Variants in RNF150 observed in about 807,000 individuals in gnomAD.
RNF150 encodes the protein ring finger protein 150.
In RNF150, 24 loss-of-function variants were observed where a neutral mutation model predicts 39.3. The observed-to-expected ratio is 0.61, with a 90% CI of 0.44 to 0.86. RNF150 has a LOEUF of 0.86. RNF150 is among the 40% of genes least tolerant of loss of function. RNF150 has a pLI of 0.00. For synonymous variants in RNF150, 255 were observed against 227.3 expected (o/e 1.12, Z -1.10); for missense variants, 502 against 587.8 (o/e 0.85, Z 1.51).
chr4:141,044,775 A>ACG (rs1387951196), intron 1 of RNF150, among the ~76,000 whole-genome samples: 3 of 146,370 alleles, frequency 2.0e-5, no homozygotes, highest in African/African-American at 7.9e-5. Context: ...TGCAGCGCAC[A>ACG]CACACACGCA....
At chr4:141,116,312 C>G (rs2111074290) in intron 1 of RNF150, among the ~76,000 whole-genome samples, 1 of 152,140 alleles carries the variant, frequency 6.6e-6, no homozygotes, top group Middle Eastern at 3.4e-3. Context: ...AACAAACAAC[C>G]CCATCAAAAA....
chr4:141,024,374 G>C (rs906146152), intron 1 of RNF150, among the ~76,000 whole-genome samples: 2 of 152,094 alleles, frequency 1.3e-5, no homozygotes, highest in African/African-American at 4.8e-5. Flanking sequence ...ACTGAGGCTT[G>C]AGTTCCAATT....
chr4:140,980,701 T>G (rs1054479741), intron 1 of RNF150, among the ~76,000 whole-genome samples: 15 of 152,252 alleles, frequency 9.9e-5, no homozygotes, highest in African/African-American at 3.6e-4. Context: ...TTCTCCTTCC[T>G]GCTGCCATGT....
chr4:140,959,526 C>T (rs1348997242), intron 2 of RNF150, among the ~76,000 whole-genome samples: 2 of 152,136 alleles, frequency 1.3e-5, no homozygotes, highest in Non-Finnish European at 2.9e-5. Flanking sequence ...TCACTGGACT[C>T]AGGCACATAT....
rs1728424934 is a variant in RNF150 at position 140,860,098 on chromosome 4, G to A, written c.*8163C>T. On this transcript the variant is annotated 3_prime_UTR_variant, in exon 7 of 7. Transcript: ENST00000515673. ...AGAATAAAGCAAAATAAAAGTCTGT[G>A]TCTCCTAATAGAAGACAAATTCCTT... 6.7e-6 allele frequency: 1 copy of A among 149,976 alleles called. No individual in the cohort carries two copies. The highest frequency in any genetic ancestry group is 2.1e-4 in the South Asian group (1 of 4,748). The allele number at this position is 149,976 out of a possible 1,614,324, so 9.3% of individuals were successfully genotyped here.
chr4:141,068,083 C>A (rs564596373), intron 1 of RNF150, among the ~76,000 whole-genome samples: 2 of 151,874 alleles, frequency 1.3e-5, no homozygotes, highest in African/African-American at 2.4e-5. Context: ...GTAGCTGGGA[C>A]TCCAAGTATG....
At chr4:141,064,005 AAAAG>A (rs1737353334) in intron 1 of RNF150, among the ~76,000 whole-genome samples, 2 of 152,062 alleles carry the variant, frequency 1.3e-5, no homozygotes, top group African/African-American at 2.4e-5. Context: ...AAAAAAAAAA[AAAAG>A]GACTGATGGC....
intron 1 of RNF150, among the ~76,000 whole-genome samples, chr4:141,155,084 G>A (rs1560761875): frequency 6.6e-6 from 1 of 151,834 alleles, no homozygotes; most frequent in African/African-American, 2.4e-5. Flanking sequence ...AGAGCTTTAT[G>A]TTTTATTTTA....
At position 141,185,765 on chromosome 4, in the gene RNF150, T is replaced by C. The variant is rs544175551; in HGVS notation, c.-6+27029A>G. Among the ~76,000 whole-genome samples, 5 of 152,360 alleles carry C rather than the reference T, an allele frequency of 3.3e-5. No individual in the cohort carries two copies. In the South Asian group the frequency reaches 6.2e-4, roughly 19 times the overall value. ...GGGGTGTTGAATTTTATCGAAAGCC[T>C]TTTCTGCATCTATTGAGATAATCAT... On this transcript the variant is annotated intron_variant, in intron 1 of 7. Coordinates refer to the RNF150 transcript ENST00000420921.
rs1732064961 is a variant in RNF150 at position 140,941,074 on chromosome 4, A to T, written c.890+6580T>A. Reference sequence around the variant, plus strand: ...ATACATTGTAAAAGCAAAAGAAGAAAAAAAATAATAAGAATAGAGACATAA... The same window carrying T: ...ATACATTGTAAAAGCAAAAGAAGAATAAAAATAATAAGAATAGAGACATAA... On this transcript the variant is annotated intron_variant, in intron 4 of 6. Transcript: ENST00000515673. 2.0e-5 allele frequency among the ~76,000 whole-genome samples: 3 copies of T among 152,336 alleles called. No individual in the cohort carries two copies. The South Asian group carries it at 6.2e-4, about 32-fold the overall frequency.
intron 4 of RNF150, among the ~76,000 whole-genome samples, chr4:140,930,995 A>G (rs966393478): frequency 6.6e-6 from 1 of 151,852 alleles, no homozygotes; most frequent in Non-Finnish European, 1.5e-5. Flanking sequence ...GCTCTGTAAG[A>G]TTCAGCTCCT....
intron 1 of RNF150, among the ~76,000 whole-genome samples, chr4:141,118,917 T>C (rs1462017541): frequency 2.0e-5 from 3 of 152,062 alleles, no homozygotes; most frequent in South Asian, 4.1e-4. Context: ...CCCACCACCA[T>C]GCCTGGCTAA....
intron 1 of RNF150, among the ~76,000 whole-genome samples, chr4:140,994,762 A>G (rs768380850): frequency 7.9e-5 from 12 of 152,298 alleles, no homozygotes; most frequent in Admixed American, 2.6e-4. Context: ...TTTTCCACCC[A>G]AGTTGCTACG....
chr4:141,022,684 A>G (rs975600376), intron 1 of RNF150, among the ~76,000 whole-genome samples: 2 of 152,208 alleles, frequency 1.3e-5, no homozygotes, highest in African/African-American at 4.8e-5. Flanking sequence ...CATTTAGGAA[A>G]GTAGCTTGGC....
At chr4:140,969,981 C>T (rs1579014846) in intron 1 of RNF150, among the ~76,000 whole-genome samples, 2 of 152,062 alleles carry the variant, frequency 1.3e-5, no homozygotes, top group African/African-American at 4.8e-5. Context: ...CCAGGCTCGT[C>T]TTGAACTCCT....
intron 1 of RNF150, among the ~76,000 whole-genome samples, chr4:141,052,491 T>C (rs1736814240): frequency 6.6e-6 from 1 of 152,184 alleles, no homozygotes; most frequent in African/African-American, 2.4e-5. Flanking sequence ...TTCTCCTGCC[T>C]CAGCTTCCTG....
At chr4:141,000,010 AGAAG>A (rs1560678943) in intron 1 of RNF150, among the ~76,000 whole-genome samples, 29 of 37,354 alleles carry the variant, frequency 7.8e-4, no homozygotes, top group African/African-American at 2.7e-3. Context: ...AAGAAGAAGA[AGAAG>A]AAGAAGAAGA....
At chr4:140,965,775 A>T (rs1339173442) in intron 2 of RNF150, among the ~76,000 whole-genome samples, 1 of 152,068 alleles carries the variant, frequency 6.6e-6, no homozygotes, top group Non-Finnish European at 1.5e-5. Context: ...GAAAATGGGG[A>T]GATTTAGGTC....
chr4:140,900,760 G>A (rs545073336), intron 6 of RNF150, among the ~76,000 whole-genome samples: 20 of 152,226 alleles, frequency 1.3e-4, no homozygotes, highest in Admixed American at 3.3e-4. Flanking sequence ...AGTGGTGTGT[G>A]GGGTGGGGAG....
Sources: gnomAD v4.1 joint callset for allele counts (sites outside exome capture counted in the v4.1 genomes callset) on GRCh38, gnomAD v4.1.1 for gene constraint, MANE v1.5 for transcripts, NCBI Gene and HGNC (gene_info 2026-07-23, HGNC 2026-07-21) for gene names.